MYO16: variants seen among roughly 807,000 people sequenced by gnomAD.
The protein encoded by MYO16 is myosin XVI, also known as unconventional myosin-XVI.
A neutral mutation model predicts 205.3 loss-of-function variants in MYO16; 94 were observed. That is an observed-to-expected ratio of 0.46 (90% confidence interval 0.39 to 0.54). MYO16 has a LOEUF of 0.54. Ranked by LOEUF, MYO16 falls within the 20% of genes least tolerant of loss-of-function variation. The probability of loss-of-function intolerance (pLI) is 0.00; values close to 1 mark genes in which losing one functional copy is unlikely to be tolerated. For synonymous variants in MYO16, 988 were observed against 954.0 expected (o/e 1.04, Z -0.66); for missense variants, 2,315 against 2,387.5 (o/e 0.97, Z 0.63).
chr13:108,684,805 A>C (rs1882606827), intron 2 of MYO16, among the ~76,000 whole-genome samples: 1 of 152,200 alleles, frequency 6.6e-6, no homozygotes, highest in Non-Finnish European at 1.5e-5. Flanking sequence ...TTCCCGGATT[A>C]CTGAACACAC....
chr13:108,972,336 AT>A (rs1884069632), intron 20 of MYO16, among the ~76,000 whole-genome samples: 3 of 5,536 alleles, frequency 5.4e-4, no homozygotes, highest in Non-Finnish European at 8.4e-4. Flanking sequence ...CCATCTATAT[AT>A]ATATATATAT....
intron 9 of MYO16, 78 bp from the exon 10 acceptor site, chr13:108,844,265 A>G: frequency 8.3e-7 from 1 of 1,206,970 alleles, no homozygotes; most frequent in Non-Finnish European, 1.1e-6. Context: ...TCATAGTCCA[A>G]CTATCCTGTA....
At chr13:108,680,482 C>T (rs550652069) in intron 2 of MYO16, among the ~76,000 whole-genome samples, 3 of 152,236 alleles carry the variant, frequency 2.0e-5, no homozygotes, top group Admixed American at 6.5e-5. Flanking sequence ...CTGGATTAAC[C>T]TCTCCAAAAC....
rs541134975 is a variant in MYO16, at chr13:108,632,181, G to A, written c.28+2309G>A. Among the ~76,000 whole-genome samples, 130 of 151,620 alleles carry A rather than the reference G, an allele frequency of 8.6e-4. 1 individual carries two copies. Among genetic ancestry groups the A allele is most frequent in the African/African-American group, 2.9e-3 (122 of 41,422 alleles). On this transcript the variant is annotated intron_variant, in intron 1 of 34. Coordinates refer to ENST00000457511, the MANE Select transcript of MYO16 (RefSeq NM_001198950.3). ...TTTAATGGTTGTTCCTGATGCGTAA[G>A]ATTTTCCCAAATTGTTGTCTCCCAT...
At chr13:109,186,415 T>G (rs146458245) in intron 34 of MYO16, among the ~76,000 whole-genome samples, 23 of 152,296 alleles carry the variant, frequency 1.5e-4, no homozygotes, top group Admixed American at 1.4e-3. Context: ...TGTTTTCCTC[T>G]GGTCTGTTGT....
intron 16 of MYO16, among the ~76,000 whole-genome samples, chr13:108,922,379 G>T (rs2139267410): frequency 6.6e-6 from 1 of 152,244 alleles, no homozygotes; most frequent in South Asian, 2.1e-4. Flanking sequence ...GACAGAGAGG[G>T]CCACGCTGCT....
chr13:108,924,422 C>T (rs1328722984), intron 16 of MYO16, among the ~76,000 whole-genome samples: 1 of 152,178 alleles, frequency 6.6e-6, no homozygotes, highest in Non-Finnish European at 1.5e-5. Context: ...ACCTGCTGAG[C>T]AATCATCCTA....
intron 34 of MYO16, among the ~76,000 whole-genome samples, chr13:109,190,973 C>T (rs1879887813): frequency 6.6e-6 from 1 of 152,048 alleles, no homozygotes; most frequent in Non-Finnish European, 1.5e-5. Context: ...AATCCCAGCA[C>T]TTTGGGAGGC....
intron 9 of MYO16, among the ~76,000 whole-genome samples, chr13:108,833,627 G>A (rs892829834): frequency 3.9e-5 from 6 of 152,048 alleles, no homozygotes; most frequent in Admixed American, 2.0e-4. Flanking sequence ...TATAATGGGC[G>A]ATAATTGTTG....
At chr13:108,963,998 TCA>T (rs111570044) in intron 19 of MYO16, among the ~76,000 whole-genome samples, 3 of 152,346 alleles carry the variant, frequency 2.0e-5, no homozygotes, top group African/African-American at 7.2e-5. Flanking sequence ...GTATCCTTCC[TCA>T]CCCGTGCTTC....
At chr13:108,559,859 G>A in the MYO16 span, among the ~76,000 whole-genome samples, 4 of 151,972 alleles carry the variant, frequency 2.6e-5, no homozygotes, top group East Asian at 7.7e-4. Flanking sequence ...ACAAGGTGCA[G>A]GAACACTAAA....
At chr13:109,145,177 T>C (rs1434896049) in intron 32 of MYO16, among the ~76,000 whole-genome samples, 2 of 152,174 alleles carry the variant, frequency 1.3e-5, no homozygotes, top group African/African-American at 4.8e-5. Flanking sequence ...CTCACAACAC[T>C]ATAAGGCATC....
At chr13:109,017,018 T>G (rs1885850225) in intron 22 of MYO16, among the ~76,000 whole-genome samples, 1 of 152,206 alleles carries the variant, frequency 6.6e-6, no homozygotes, top group South Asian at 2.1e-4. Context: ...TGCTGTTAGC[T>G]GGTTATTTTG....
chr13:108,554,567 C>T, the MYO16 span, among the ~76,000 whole-genome samples: 7 of 152,070 alleles, frequency 4.6e-5, no homozygotes, highest in African/African-American at 1.7e-4. Context: ...CCATCTGTCT[C>T]AGCCGGGCGT....
At chr13:108,587,826 G>A in the MYO16 span, among the ~76,000 whole-genome samples, 2 of 151,634 alleles carry the variant, frequency 1.3e-5, no homozygotes, top group African/African-American at 4.9e-5. Flanking sequence ...CATTCTAAGA[G>A]CAACCTAAAG....
intron 16 of MYO16, among the ~76,000 whole-genome samples, chr13:108,910,649 A>T (rs1881212224): frequency 6.6e-6 from 1 of 152,208 alleles, no homozygotes; most frequent in Non-Finnish European, 1.5e-5. Context: ...TGGGAGTGAC[A>T]GGCTGTATAG....
chr13:109,087,157 C>T (rs1164664228), intron 27 of MYO16, among the ~76,000 whole-genome samples: 1 of 152,202 alleles, frequency 6.6e-6, no homozygotes, highest in Non-Finnish European at 1.5e-5. Context: ...GCTGTAAAAC[C>T]AGCCATGTGG....
rs1340053971 is a variant in MYO16, at chr13:109,140,998, C to T, written c.4786C>T (p.Pro1596Ser). 5.3e-6 allele frequency: 7 copies of T among 1,311,012 alleles called. No homozygotes were observed. The South Asian group carries it at 1.5e-4, about 28-fold the overall frequency. The allele number at this position is 1,311,012 out of a possible 1,614,324, so 81.2% of individuals were successfully genotyped here. Reference sequence around the variant, plus strand: ...CCGAGCCTCCCCGCCGTCCACGCCGCCCCCGCCCCCGCCCCCGCCCGGGCC... The same window carrying T: ...CCGAGCCTCCCCGCCGTCCACGCCGTCCCCGCCCCCGCCCCCGCCCGGGCC... Reference protein sequence around the residue: ...SGRASPPSTPPPPPPPPGPPP... With the variant: ...SGRASPPSTPSPPPPPPGPPP... The change falls in exon 32 of 35, where the codon CCC (proline) becomes TCC (serine). Residue 1596 changes from proline (P) to serine (S), a missense_variant. This residue lies in a region of MYO16 where 1,097 missense variants were observed against 1,092.0 expected (regional missense o/e 1.00). Transcript: ENST00000457511. The surrounding 1 kb of genome is among the most constrained non-coding windows in gnomAD (Gnocchi z 8.0).
the MYO16 span, among the ~76,000 whole-genome samples, chr13:108,499,129 C>A: frequency 1.3e-5 from 2 of 152,080 alleles, no homozygotes; most frequent in Admixed American, 1.3e-4. Context: ...TAATTGAGAT[C>A]AAACATTTAT....
Sources: allele counts gnomAD v4.1 joint callset (sites outside exome capture counted in the v4.1 genomes callset), GRCh38; gene constraint gnomAD v4.1.1; regional missense constraint gnomAD v4.1.1; non-coding constraint Gnocchi (gnomAD v3.1); transcripts MANE v1.5; gene names NCBI Gene and HGNC (gene_info 2026-07-23, HGNC 2026-07-21).